Variants in CNNM2 observed in about 807,000 individuals in gnomAD.
CNNM2 encodes the protein metal transporter CNNM2.
A neutral mutation model predicts 66.9 loss-of-function variants in CNNM2; 12 were observed. That is an observed-to-expected ratio of 0.18 (90% CI 0.11 to 0.29). The LOEUF is 0.29. CNNM2 is among the 10% of genes least tolerant of loss of function. CNNM2 has a pLI of 1.00. For missense variants in CNNM2, 705 were observed against 1,167.7 expected, an observed-to-expected ratio of 0.60 and a Z score of 5.77; for synonymous variants, 557 against 501.8, an observed-to-expected ratio of 1.11 and a Z score of -1.47.
chr10:102,927,247 A>G (rs1590260028), intron 1 of CNNM2: 1 of 1,506,354 alleles, frequency 6.6e-7, no homozygotes, highest in East Asian at 2.3e-5. Flanking sequence ...CTTGACATAT[A>G]AAGAGTACTA....
intron 1 of CNNM2, among the ~76,000 whole-genome samples, chr10:102,922,494 C>T (rs1002085102): frequency 3.9e-5 from 6 of 152,028 alleles, no homozygotes; most frequent in African/African-American, 1.2e-4. Flanking sequence ...TACTGAATAA[C>T]GGCGTATTAA....
chr10:102,933,151 C>T (rs1846122082), intron 1 of CNNM2, among the ~76,000 whole-genome samples: 1 of 152,120 alleles, frequency 6.6e-6, no homozygotes, highest in African/African-American at 2.4e-5. Flanking sequence ...CAGGGATCAA[C>T]TTGCCCATTT....
chr10:102,919,593 G>C lies in CNNM2; in HGVS notation c.1113G>C (p.Val371=). ...TCTGCTCCCGGCATGGCCTGGCTGT[G>C]GGGGCCAACACCATCTTCCTCACCA... is the stretch of plus-strand genomic sequence containing the variant. ...QAICSRHGLA[V]GANTIFLTKF... Residue 371 remains valine, a synonymous_variant, in exon 1 of 8, where the codon GTG becomes GTC. Transcript: ENST00000369878. The C allele has an allele frequency of 1.2e-6, 2 of 1,613,628 alleles. No individual in the cohort carries two copies. The highest frequency in any genetic ancestry group is 1.7e-6 in the Non-Finnish European group (2 of 1,180,038).
At chr10:102,953,520 C>T (rs1846917961) in intron 1 of CNNM2, among the ~76,000 whole-genome samples, 1 of 152,036 alleles carries the variant, frequency 6.6e-6, no homozygotes. Context: ...CCTCGGCCTC[C>T]CAAAGTGCTA....
rs115260652 is a variant in CNNM2 at position 103,076,918 on chromosome 10, C to T, written c.2419-53C>T. 3,940 of 1,526,082 alleles carry T rather than the reference C, an allele frequency of 2.6e-3. 61 individuals carry two copies. The African/African-American group carries it at 0.041, about 16-fold the overall frequency. 94.5% of individuals were successfully genotyped at this position (1,526,082 alleles called of 1,614,324 possible). On this transcript the variant is annotated intron_variant, in intron 7 of 7. Transcript: ENST00000369878. ...GATTGAACGTGTGGAGATCAGAGAACCTAAAAATAAGCATTATCTTGGTTT... is the reference window on the plus strand; with the variant it reads ...GATTGAACGTGTGGAGATCAGAGAATCTAAAAATAAGCATTATCTTGGTTT...
chr10:102,977,742 A>G (rs2134225640), intron 1 of CNNM2, among the ~76,000 whole-genome samples: 1 of 151,954 alleles, frequency 6.6e-6, no homozygotes, highest in East Asian at 1.9e-4. Context: ...AATCACTTGA[A>G]CTCTGGAGGC....
At chr10:102,996,332 C>CT (rs1289433404) in intron 1 of CNNM2, among the ~76,000 whole-genome samples, 2 of 151,720 alleles carry the variant, frequency 1.3e-5, no homozygotes, top group Admixed American at 6.6e-5. Context: ...ATTCTGCCAT[C>CT]TTTTTTTTCC....
Position 103,077,748 on chromosome 10 carries a change from C to CA in CNNM2, c.*570dup, listed in dbSNP as rs2065714879. The CA allele has an allele frequency of 6.4e-6, 1 of 155,406 alleles. No homozygotes were observed. Among genetic ancestry groups the CA allele is most frequent in the African/African-American group, 2.4e-5 (1 of 41,448 alleles). 9.6% of individuals were successfully genotyped at this position (155,406 alleles called of 1,614,324 possible). ...AAGACCGTGTTACTGCAGAACCTGC[C>CA]AAGTCTGTCATCACTGTGGGGTGTA... On this transcript the variant is annotated 3_prime_UTR_variant, in exon 8 of 8. Transcript: ENST00000369878.
chr10:103,055,813 C>T (rs2065285273), intron 3 of CNNM2, among the ~76,000 whole-genome samples: 1 of 152,086 alleles, frequency 6.6e-6, no homozygotes, highest in Admixed American at 6.5e-5. Flanking sequence ...TAAAACTAAA[C>T]ATCTAGGCCG....
intron 1 of CNNM2, among the ~76,000 whole-genome samples, chr10:102,976,799 ACT>A (rs2063641712): frequency 6.6e-6 from 1 of 150,640 alleles, no homozygotes; most frequent in Non-Finnish European, 1.5e-5. Flanking sequence ...TTGTTTTCAA[ACT>A]CTCTGAGCTT....
At chr10:103,008,672 G>A (rs2064274914) in intron 1 of CNNM2, among the ~76,000 whole-genome samples, 2 of 151,936 alleles carry the variant, frequency 1.3e-5, no homozygotes, top group East Asian at 3.9e-4. Context: ...CTAGCTACCA[G>A]GGAGACTGAA....
chr10:102,988,867 GACTA>G (rs762905818), intron 1 of CNNM2, among the ~76,000 whole-genome samples: 22 of 152,286 alleles, frequency 1.4e-4, no homozygotes, highest in South Asian at 1.0e-3. Flanking sequence ...TTAGGTGACC[GACTA>G]ACTTTCTCCT....
At chr10:102,957,264 CCACTG>C (rs1217018390) in intron 1 of CNNM2, among the ~76,000 whole-genome samples, 2 of 152,152 alleles carry the variant, frequency 1.3e-5, no homozygotes, top group Non-Finnish European at 2.9e-5. Flanking sequence ...CGAGATTGCA[CCACTG>C]CACTCCAGCC....
At chr10:102,994,682 T>C (rs964948187) in intron 1 of CNNM2, among the ~76,000 whole-genome samples, 2 of 152,258 alleles carry the variant, frequency 1.3e-5, no homozygotes, top group East Asian at 3.8e-4. Context: ...AGAATCATGC[T>C]CATCTGCTTT....
chr10:103,058,606 G>C (rs746510305), intron 4 of CNNM2, among the ~76,000 whole-genome samples: 1 of 152,114 alleles, frequency 6.6e-6, no homozygotes, highest in Non-Finnish European at 1.5e-5. Flanking sequence ...AGATATTTTT[G>C]ATAAGACATC....
At chr10:103,027,933 T>C (rs1189469453) in intron 1 of CNNM2, among the ~76,000 whole-genome samples, 2 of 152,222 alleles carry the variant, frequency 1.3e-5, no homozygotes, top group African/African-American at 4.8e-5. Context: ...GTAAATGACT[T>C]GCTCTCAGTC....
chr10:103,022,681 A>C (rs1033469423), intron 1 of CNNM2, among the ~76,000 whole-genome samples: 5 of 152,162 alleles, frequency 3.3e-5, no homozygotes, highest in Admixed American at 6.5e-5. Context: ...TTCATGTATT[A>C]GTCCATTTGC....
At position 102,920,605 on chromosome 10, in the gene CNNM2, A is replaced by G. The variant is rs10883802; in HGVS notation, c.1621+504A>G. On this transcript the variant is annotated intron_variant, in intron 1 of 7. Transcript: ENST00000369878. The stretch of plus-strand genomic sequence containing the variant: ...ACTGGCCTTTCAAAGATCGAAGTAC[A>G]TTTTCTATAGCTTCTGTTCCTGCTT... 0.11 allele frequency among the ~76,000 whole-genome samples: 17,407 copies of G among 151,852 alleles called. 1,180 individuals are homozygous for G. Among genetic ancestry groups the G allele is most frequent in the Non-Finnish European group, 0.15 (10,080 of 67,952 alleles).
At chr10:103,069,957 A>G (rs2065547518) in intron 5 of CNNM2, among the ~76,000 whole-genome samples, 2 of 152,362 alleles carry the variant, frequency 1.3e-5, no homozygotes, top group African/African-American at 2.4e-5. Context: ...ATTGGTCTTC[A>G]TCGACTGCTC....
Sources: gnomAD v4.1 joint callset for allele counts (sites outside exome capture counted in the v4.1 genomes callset) on GRCh38, gnomAD v4.1.1 for gene constraint, MANE v1.5 for transcripts, NCBI Gene and HGNC (gene_info 2026-07-23, HGNC 2026-07-21) for gene names.